Variants in S100A8 observed in about 807,000 individuals in gnomAD.
S100A8 encodes S100 calcium binding protein A8, also known as protein S100-A8.
A neutral mutation model predicts 4.2 loss-of-function variants in S100A8; 1 was observed. The ratio of observed to expected loss-of-function variants is 0.24; its 90% CI spans 0.08 to 1.12. The LOEUF (loss-of-function observed/expected upper bound fraction) is 1.12, where lower values mean the gene tolerates loss of function less well. S100A8 is among the 50% of genes most tolerant of loss of function. S100A8 has a pLI of 0.53. For missense variants in S100A8, 96 were observed against 111.8 expected (o/e 0.86, Z 0.64); for synonymous variants, 41 against 44.7 (o/e 0.92, Z 0.33).
At chr1:153,398,136 G>T in the S100A8 span, among the ~76,000 whole-genome samples, 1 of 152,154 alleles carries the variant, frequency 6.6e-6, no homozygotes, top group African/African-American at 2.4e-5. Context: ...GGATGGACCA[G>T]AAGTCCTCTG....
chr1:153,390,148 G>C lies in S100A8; in HGVS notation c.237C>G (p.Gly79=). 6.2e-7 allele frequency: 1 copy of C among 1,613,884 alleles called. No individual in the cohort carries two copies. The change falls in exon 3 of 3, where the codon GGC becomes GGG. Residue 79 remains glycine (G), a synonymous_variant. Transcript: ENST00000368733. ...QEFLILVIKM[G]VAAHKKSHEE... ...CATGGCTTTTTTTGTGGGCTGCCACGCCCATCTTTATCACCAGAATGAGGA... is the reference window on the plus strand; with the variant it reads ...CATGGCTTTTTTTGTGGGCTGCCACCCCCATCTTTATCACCAGAATGAGGA...
At chr1:153,410,545 A>G in the S100A8 span, among the ~76,000 whole-genome samples, 1 of 152,264 alleles carries the variant, frequency 6.6e-6, no homozygotes, top group African/African-American at 2.4e-5. Context: ...GAATTCTACC[A>G]GAGCTACAAA....
the S100A8 span, chr1:153,420,292 C>G: frequency 6.6e-6 from 1 of 152,274 alleles, no homozygotes; most frequent in South Asian, 2.1e-4. Context: ...CCTAGCAGTG[C>G]ACTGGCGGGT....
At position 153,390,551 on chromosome 1, in the gene S100A8, G is replaced by A; in HGVS notation, c.-16C>T. On this transcript the variant is annotated 5_prime_UTR_variant, in exon 2 of 3. The change creates a premature stop within an existing upstream ORF in the 5' untranslated region. Transcript: ENST00000368733. ...CGGTCAACATGATGCCCACGGACTT[G>A]CCCCACCTGAAAAACAGAACCTTCT... The A allele has an allele frequency of 6.2e-7, 1 of 1,613,924 alleles. No homozygotes were observed. The highest frequency in any genetic ancestry group is 8.5e-7 in the Non-Finnish European group (1 of 1,179,882).
At position 153,390,150 on chromosome 1, in the gene S100A8, C is replaced by G; in HGVS notation, c.235G>C (p.Gly79Arg). ...QEFLILVIKM[G>R]VAAHKKSHEE... ...TGGCTTTTTTTGTGGGCTGCCACGCCCATCTTTATCACCAGAATGAGGAAC... is the reference window on the plus strand; with the variant it reads ...TGGCTTTTTTTGTGGGCTGCCACGCGCATCTTTATCACCAGAATGAGGAAC... The change falls in exon 3 of 3, where the codon GGC becomes CGC. Residue 79 changes from glycine (G) to arginine (R), a missense_variant. Gly to Arg is a moderately radical substitution (Grantham distance 125, BLOSUM62 -2). Coordinates refer to ENST00000368733, the MANE Select transcript of S100A8 (RefSeq NM_002964.5). 6.2e-7 allele frequency: 1 copy of G among 1,614,086 alleles called. No homozygotes were observed. Among genetic ancestry groups the G allele is most frequent in the Non-Finnish European group, 8.5e-7 (1 of 1,179,976 alleles).
the S100A8 span, among the ~76,000 whole-genome samples, chr1:153,411,701 GGGA>G: frequency 6.6e-6 from 1 of 151,994 alleles, no homozygotes; most frequent in Non-Finnish European, 1.5e-5. Context: ...AGAACAAAGT[GGGA>G]GGCATCACAC....
the S100A8 span, chr1:153,420,359 A>G: frequency 6.6e-6 from 1 of 152,254 alleles, no homozygotes; most frequent in African/African-American, 2.4e-5. Context: ...CTTCCAGGCA[A>G]TGTTCTGTGC....
upstream of S100A8, among the ~76,000 whole-genome samples, chr1:153,391,927 G>A (rs75185347): frequency 0.01 from 1,544 of 152,218 alleles, 13 homozygotes; most frequent in African/African-American, 0.036. Flanking sequence ...GAAGCCAGAC[G>A]CGCTTCATGC....
the S100A8 span, among the ~76,000 whole-genome samples, chr1:153,398,703 C>A: frequency 6.6e-6 from 1 of 152,210 alleles, no homozygotes; most frequent in East Asian, 1.9e-4. Flanking sequence ...CTCATGGAGC[C>A]AGCCAGGCAC....
At chr1:153,391,735 T>C (rs1014844899), upstream of S100A8, among the ~76,000 whole-genome samples, 3 of 152,202 alleles carry the variant, frequency 2.0e-5, no homozygotes, top group Non-Finnish European at 4.4e-5. Context: ...GGATGGACCA[T>C]GCCCTGGGAG....
chr1:153,418,118 C>T, the S100A8 span: 3 of 1,614,152 alleles, frequency 1.9e-6, no homozygotes, highest in Admixed American at 3.3e-5. Context: ...CCATAATAGG[C>T]ATGATCGACA....
the S100A8 span, among the ~76,000 whole-genome samples, chr1:153,418,840 T>C: frequency 6.6e-6 from 1 of 152,136 alleles, no homozygotes; most frequent in Non-Finnish European, 1.5e-5. Context: ...CCTTAAATGC[T>C]GGGAACAGGC....
At chr1:153,408,327 C>T in the S100A8 span, among the ~76,000 whole-genome samples, 2 of 152,270 alleles carry the variant, frequency 1.3e-5, no homozygotes, top group South Asian at 4.2e-4. Context: ...CTACATGACT[C>T]ATGCACAAGC....
chr1:153,395,390 A>G (rs573966608), upstream of S100A8, among the ~76,000 whole-genome samples: 45 of 152,206 alleles, frequency 3.0e-4, no homozygotes, highest in Admixed American at 2.9e-3. Flanking sequence ...CCACCCAGGC[A>G]CCGAGGTCCC....
the S100A8 span, among the ~76,000 whole-genome samples, chr1:153,408,916 C>T: frequency 9.9e-5 from 15 of 152,160 alleles, no homozygotes; most frequent in Non-Finnish European, 1.8e-4. Context: ...CCTTTACAGA[C>T]AAGCAAATGC....
At chr1:153,392,717 C>G (rs1662130561), upstream of S100A8, among the ~76,000 whole-genome samples, 1 of 152,128 alleles carries the variant, frequency 6.6e-6, no homozygotes, top group Admixed American at 6.5e-5. Context: ...GCTGGGGATC[C>G]ACCGTGCCCT....
At chr1:153,405,142 C>T in the S100A8 span, among the ~76,000 whole-genome samples, 1 of 151,854 alleles carries the variant, frequency 6.6e-6, no homozygotes, top group Non-Finnish European at 1.5e-5. Context: ...GGCCCAGCCT[C>T]GTCTTAAAAT....
chr1:153,406,166 C>G, the S100A8 span, among the ~76,000 whole-genome samples: 1 of 152,172 alleles, frequency 6.6e-6, no homozygotes. Context: ...CTTCCAAATT[C>G]CCACACACTT....
chr1:153,420,507 C>G, the S100A8 span: 1 of 152,356 alleles, frequency 6.6e-6, no homozygotes, highest in Non-Finnish European at 1.5e-5. Context: ...CAAAAATTCT[C>G]TTTCCATCCT....
Sources: allele counts gnomAD v4.1 joint callset (sites outside exome capture counted in the v4.1 genomes callset), GRCh38; gene constraint gnomAD v4.1.1; transcripts MANE v1.5; gene names NCBI Gene and HGNC (gene_info 2026-07-23, HGNC 2026-07-21).